The following FGF1 variants were observed in gnomAD, a reference collection of about 807,000 sequenced individuals.
FGF1 encodes beta-endothelial cell growth factor.
A neutral mutation model predicts 13.4 loss-of-function variants in FGF1; 9 were observed. The observed-to-expected ratio is 0.67, with a 90% CI of 0.40 to 1.17. The LOEUF is 1.17. FGF1 is among the 50% of genes most tolerant of loss of function. The probability of loss-of-function intolerance (pLI) is 0.01; values close to 1 mark genes in which losing one functional copy is unlikely to be tolerated. For missense variants in FGF1, 156 were observed against 192.7 expected, an observed-to-expected ratio of 0.81 and a Z score of 1.13; for synonymous variants, 93 against 79.0, an observed-to-expected ratio of 1.18 and a Z score of -0.94.
intron 1 of FGF1, among the ~76,000 whole-genome samples, chr5:142,653,593 C>T (rs1767643740): frequency 6.6e-6 from 1 of 152,218 alleles, no homozygotes; most frequent in Non-Finnish European, 1.5e-5. Flanking sequence ...GACCACTGTT[C>T]ACTGCCCCCT....
chr5:142,655,615 T>C (rs1368482080), intron 1 of FGF1, among the ~76,000 whole-genome samples: 1 of 152,226 alleles, frequency 6.6e-6, no homozygotes, highest in African/African-American at 2.4e-5. Context: ...AACTCAGATC[T>C]AAGAAGGGTG....
Position 142,614,024 on chromosome 5 carries a change from C to A in FGF1, c.104G>T (p.Gly35Val), listed in dbSNP as rs1434024570. The A allele has an allele frequency of 1.2e-6, 2 of 1,614,118 alleles. No individual in the cohort carries two copies. The highest frequency in any genetic ancestry group is 2.2e-5 in the East Asian group (1 of 44,882). ...ATCCGGAAGGATCCTCAGGAAGTGG[C>A]CCCCGTTGCTACAGTAGAGGAGTTT... ...KPKLLYCSNG[G>V]HFLRILPDGT... Residue 35 changes from glycine (G) to valine (V), a missense_variant, in exon 2 of 4, where the codon GGC becomes GTC. Transcript: ENST00000337706.
intron 1 of FGF1, among the ~76,000 whole-genome samples, chr5:142,631,982 C>T (rs913278214): frequency 3.3e-5 from 5 of 152,006 alleles, no homozygotes; most frequent in African/African-American, 7.2e-5. Flanking sequence ...GATGGAGTTT[C>T]GCCATGTTGG....
At chr5:142,602,056 G>A (rs1272506428) in intron 2 of FGF1, among the ~76,000 whole-genome samples, 1 of 152,218 alleles carries the variant, frequency 6.6e-6, no homozygotes, top group Non-Finnish European at 1.5e-5. Context: ...TTCCCTAGGA[G>A]GATGAGGGGG....
intron 1 of FGF1, chr5:142,671,766 C>T (rs529885333): frequency 1.1e-4 from 16 of 152,346 alleles, no homozygotes; most frequent in African/African-American, 3.1e-4. Flanking sequence ...GCAATGAACA[C>T]GTTCTGCACA....
upstream of FGF1, chr5:142,698,062 C>G (rs1196707892): frequency 6.6e-6 from 1 of 152,194 alleles, no homozygotes; most frequent in Non-Finnish European, 1.5e-5. Context: ...ATTTCTCCCC[C>G]TCTCATGTGA....
At chr5:142,675,955 C>T (rs148015392) in intron 1 of FGF1, among the ~76,000 whole-genome samples, 2 of 152,296 alleles carry the variant, frequency 1.3e-5, no homozygotes, top group Admixed American at 6.5e-5. Context: ...TTGAAGTCAA[C>T]TCTTCTTTAA....
At chr5:142,629,897 T>TATATATA (rs1192027988) in intron 1 of FGF1, among the ~76,000 whole-genome samples, 1 of 109,362 alleles carries the variant, frequency 9.1e-6, no homozygotes, top group African/African-American at 3.9e-5. Context: ...ATATATATAT[T>TATATATA]TTTTTTTTTT....
intron 1 of FGF1, among the ~76,000 whole-genome samples, chr5:142,641,443 T>C (rs150032193): frequency 2.0e-5 from 3 of 152,158 alleles, no homozygotes; most frequent in African/African-American, 7.2e-5. Flanking sequence ...TCTAAATATA[T>C]ACAGCTAGAA....
intron 1 of FGF1, among the ~76,000 whole-genome samples, chr5:142,676,504 T>C (rs1772636750): frequency 1.3e-5 from 2 of 152,212 alleles, no homozygotes; most frequent in South Asian, 4.1e-4. Context: ...AAAGAGGTTG[T>C]GTAACTTGAC....
chr5:142,659,712 G>A (rs1768838586), intron 1 of FGF1, among the ~76,000 whole-genome samples: 1 of 152,180 alleles, frequency 6.6e-6, no homozygotes, highest in Admixed American at 6.5e-5. Flanking sequence ...AGAGTTGCTG[G>A]CGGGAGGATT....
In FGF1 at chr5:142,600,765, A is replaced by G. The variant is rs770167735; in HGVS notation, c.210T>C (p.Tyr70=). ...ACTGGCCAGTCTCGGTACTCTTTAT[A>G]TACACCTCCCCCACGCTTTCCGCAC... The part of the protein sequence containing the change: ...QLSAESVGEV[Y]IKSTETGQYL... The change falls in exon 3 of 4, where the codon TAT becomes TAC. Residue 70 remains tyrosine (Y), a synonymous_variant. Transcript: ENST00000337706. The G allele has an allele frequency of 1.5e-5, 24 of 1,613,772 alleles. No homozygotes were observed. Among genetic ancestry groups the G allele is most frequent in the Non-Finnish European group, 1.9e-5 (22 of 1,179,868 alleles).
At chr5:142,607,973 G>A (rs1237662229) in intron 2 of FGF1, among the ~76,000 whole-genome samples, 1 of 152,124 alleles carries the variant, frequency 6.6e-6, no homozygotes, top group East Asian at 1.9e-4. Context: ...CCTTCCATTA[G>A]GTCTTAGCAG....
chr5:142,644,441 T>A (rs930573325), intron 1 of FGF1: 4 of 151,534 alleles, frequency 2.6e-5, no homozygotes, highest in African/African-American at 9.7e-5. Flanking sequence ...ACCACACACA[T>A]ACACACGTAC....
chr5:142,682,524 C>T lies in FGF1; in HGVS notation c.-35+3433G>A, dbSNP rs146409591. Among the ~76,000 whole-genome samples, 1,215 of 152,164 alleles carry T rather than the reference C, an allele frequency of 8.0e-3. 10 individuals carry two copies. Among genetic ancestry groups the T allele is most frequent in the Non-Finnish European group, 0.014 (952 of 68,006 alleles). On this transcript the variant is annotated intron_variant, in intron 1 of 3. Transcript: ENST00000337706. ...CATAACAAGGCTGGTACTTTATTACCCCCACTTTACAGATGAGGAAACCAA... is the reference window on the plus strand; with the variant it reads ...CATAACAAGGCTGGTACTTTATTACTCCCACTTTACAGATGAGGAAACCAA...
At chr5:142,654,818 C>T (rs925750148) in intron 1 of FGF1, among the ~76,000 whole-genome samples, 14 of 152,172 alleles carry the variant, frequency 9.2e-5, no homozygotes, top group Non-Finnish European at 1.3e-4. Context: ...GGCATTCACA[C>T]GGGACTGAGA....
chr5:142,665,229 C>G (rs1770066069), intron 1 of FGF1, among the ~76,000 whole-genome samples: 1 of 151,926 alleles, frequency 6.6e-6, no homozygotes, highest in African/African-American at 2.4e-5. Context: ...CCTGAGATAC[C>G]TTGGGAACCT....
At chr5:142,667,134 G>A (rs1242841058) in intron 1 of FGF1, among the ~76,000 whole-genome samples, 1 of 151,262 alleles carries the variant, frequency 6.6e-6, no homozygotes, top group Non-Finnish European at 1.5e-5. Flanking sequence ...ACAAAAATTA[G>A]CTGGGCAACG....
At chr5:142,673,955 C>T (rs901959289) in intron 1 of FGF1, among the ~76,000 whole-genome samples, 1 of 152,206 alleles carries the variant, frequency 6.6e-6, no homozygotes, top group African/African-American at 2.4e-5. Flanking sequence ...ATTTTGACTA[C>T]TTTCCTCCAG....
Sources: allele counts gnomAD v4.1 joint callset (sites outside exome capture counted in the v4.1 genomes callset), GRCh38; gene constraint gnomAD v4.1.1; transcripts MANE v1.5; gene names NCBI Gene and HGNC (gene_info 2026-07-23, HGNC 2026-07-21).